The following TELO2 variants were observed in gnomAD, a reference collection of about 807,000 sequenced individuals.
TELO2 encodes telomere maintenance 2, also known as telomere length regulation protein TEL2 homolog.
TELO2 carries 71 observed loss-of-function variants against 91.0 expected under a neutral mutation model. The ratio of observed to expected loss-of-function variants is 0.78; its 90% CI spans 0.64 to 0.95. The LOEUF (loss-of-function observed/expected upper bound fraction) is 0.95, where lower values mean the gene tolerates loss of function less well. TELO2 is among the 40% of genes least tolerant of loss of function. TELO2 has a pLI of 0.00. For missense variants in TELO2, 1,183 were observed against 1,141.3 expected (o/e 1.04, Z -0.53); for synonymous variants, 584 against 518.9 (o/e 1.13, Z -1.71).
At chr16:1,496,309 G>A (rs955009540) in intron 3 of TELO2, among the ~76,000 whole-genome samples, 2 of 152,204 alleles carry the variant, frequency 1.3e-5, no homozygotes, top group African/African-American at 2.4e-5. Context: ...GGAGGAAGCC[G>A]GGCCCCTCGA....
Position 1,505,338 on chromosome 16 carries a change from T to A in TELO2, c.1843-72T>A. ...GCCCCCGGGCCCGTTTCTGGGGCTT[T>A]GGCTGACTTGACTCTTGGGAAATGT... is the stretch of plus-strand genomic sequence containing the variant. On this transcript the variant is annotated intron_variant, in intron 15 of 20. Transcript: ENST00000262319. This position sits in a 1 kb window ranked among gnomAD's most constrained non-coding sequence, Gnocchi z 4.3. 6.5e-7 allele frequency: 1 copy of A among 1,531,276 alleles called. No individual in the cohort carries two copies. The highest frequency in any genetic ancestry group is 8.8e-7 in the Non-Finnish European group (1 of 1,135,784). The allele number at this position is 1,531,276 out of a possible 1,614,324, so 94.9% of individuals were successfully genotyped here.
intron 6 of TELO2, among the ~76,000 whole-genome samples, 167 bp from the exon 7 acceptor site, chr16:1,499,929 C>T (rs1010396191): frequency 3.3e-5 from 5 of 152,218 alleles, no homozygotes; most frequent in Admixed American, 6.5e-5. Context: ...GCAGCTTCTG[C>T]GGGAGGGGAG....
At chr16:1,496,227 G>C (rs556693501) in intron 3 of TELO2, among the ~76,000 whole-genome samples, 1 of 152,258 alleles carries the variant, frequency 6.6e-6, no homozygotes, top group East Asian at 1.9e-4. Context: ...CCCCGACCTC[G>C]TTCTGAAACT....
rs757315085 is a variant in TELO2 at position 1,494,383 on chromosome 16, CCTGAAGCGGT to C, written c.103_112del (p.Leu35IlefsTer33). ...GCCACATCTTCTGCACCCTGGAGTC[CCTGAAGCGGT>C]ATCTCGGTGAGATGGAGCCTCCAGC... On this transcript the variant is annotated frameshift_variant, in exon 2 of 21. Transcript: ENST00000262319. LOFTEE classifies it high-confidence loss of function. This position sits in a 1 kb window ranked among gnomAD's most constrained non-coding sequence, Gnocchi z 5.6. The C allele has an allele frequency of 1.9e-6, 3 of 1,613,446 alleles. No individual in the cohort carries two copies. The African/African-American group carries it at 4.0e-5, about 22-fold the overall frequency.
Position 1,497,622 on chromosome 16 carries a change from T to C in TELO2, c.830+114T>C, listed in dbSNP as rs1179018276. The C allele has an allele frequency of 2.2e-6, 3 of 1,392,284 alleles. No individual in the cohort carries two copies. Among genetic ancestry groups the C allele is most frequent in the South Asian group, 1.5e-5 (1 of 68,118 alleles). The allele number at this position is 1,392,284 out of a possible 1,614,324, so 86.2% of individuals were successfully genotyped here. A position where few individuals can be genotyped will look rare whatever the true frequency, so the allele number is the denominator to read the frequency against. On this transcript the variant is annotated intron_variant, in intron 5 of 20. Transcript: ENST00000262319. The surrounding 1 kb of genome is among the most constrained non-coding windows in gnomAD (Gnocchi z 4.0). The stretch of plus-strand genomic sequence containing the variant: ...CGCCGTGCTGCAGCTGGCACCCCCA[T>C]GTAGGTGCCACAGGGTGTGGGTGGT...
At chr16:1,502,798 C>T (rs1283687788) in intron 14 of TELO2, 37 bp downstream of exon 14, 2 of 1,606,456 alleles carry the variant, frequency 1.2e-6, no homozygotes, top group Middle Eastern at 1.7e-4. Context: ...CCAGTGCAGG[C>T]ACAGCGGGAA....
chr16:1,495,604 G>C lies in TELO2; in HGVS notation c.594G>C (p.Ala198=), dbSNP rs773976708. 4.4e-6 allele frequency: 7 copies of C among 1,599,696 alleles called. No individual in the cohort carries two copies. The Admixed American group carries it at 5.0e-5, about 11-fold the overall frequency. The change falls in exon 3 of 21, where the codon GCG becomes GCC. Residue 198 remains alanine, a synonymous_variant. Coordinates refer to ENST00000262319, the MANE Select transcript of TELO2 (RefSeq NM_016111.4). ...LGEEVVRVLQ[A]VVDSLQGGLD... is the part of the protein sequence containing the mutation. ...AGGAGGTCGTCCGGGTGCTGCAGGCGGTTGTGGACTCTCTCCAAGGTGAGG... is the reference window on the plus strand; with the variant it reads ...AGGAGGTCGTCCGGGTGCTGCAGGCCGTTGTGGACTCTCTCCAAGGTGAGG...
In TELO2 at chr16:1,497,483, A is replaced by C. The variant is rs780212089; in HGVS notation, c.805A>C (p.Thr269Pro). ...GGACCGGGCCATGGAGGCTGTGCTGACCGGGCTGGTGGAGGCCGCACTGGG... is the reference window on the plus strand; with the variant it reads ...GGACCGGGCCATGGAGGCTGTGCTGCCCGGGCTGGTGGAGGCCGCACTGGG... ...VPDRAMEAVL[T>P]GLVEAALGPE... is the part of the protein sequence containing the mutation. Residue 269 changes from threonine to proline, a missense_variant, in exon 5 of 21, where the codon ACC (threonine) becomes CCC (proline). Transcript: ENST00000262319. The surrounding 1 kb of genome is among the most constrained non-coding windows in gnomAD (Gnocchi z 4.0). 1 of 1,573,388 alleles carries C rather than the reference A, an allele frequency of 6.4e-7. No individual in the cohort carries two copies. Among genetic ancestry groups the C allele is most frequent in the African/African-American group, 1.4e-5 (1 of 73,858 alleles).
intron 20 of TELO2, among the ~76,000 whole-genome samples, chr16:1,508,402 A>G (rs992936028): frequency 6.6e-6 from 1 of 152,180 alleles, no homozygotes; most frequent in Non-Finnish European, 1.5e-5. Context: ...AAGTGCTGGG[A>G]TTACAGGCGT....
rs770763577 is a variant in TELO2 at position 1,502,288 on chromosome 16, C to T, written c.1562-25C>T. 3.3e-5 allele frequency: 53 copies of T among 1,583,618 alleles called. No homozygotes were observed. In the South Asian group the frequency reaches 4.2e-4, roughly 13 times the overall value. On this transcript the variant is annotated intron_variant, in intron 12 of 20. Transcript: ENST00000262319. Reference sequence around the variant, plus strand: ...GTTCAGGGTCAGGGCTGAGGCTGACCGAGGCCTCTCTGGGTTCTGTGCAGC... The same window carrying T: ...GTTCAGGGTCAGGGCTGAGGCTGACTGAGGCCTCTCTGGGTTCTGTGCAGC...
chr16:1,508,950 C>T (rs79398615), intron 20 of TELO2, among the ~76,000 whole-genome samples: 1 of 152,106 alleles, frequency 6.6e-6, no homozygotes, highest in South Asian at 2.1e-4. Flanking sequence ...GGGGGTGAGG[C>T]CCCCCAGACA....
intron 17 of TELO2, 91 bp from the exon 18 acceptor site, chr16:1,506,861 G>T: frequency 6.8e-7 from 1 of 1,462,144 alleles, no homozygotes; most frequent in Non-Finnish European, 9.0e-7. Context: ...GGGGCTGTGT[G>T]GGGCTCCCTC....
chr16:1,502,098 C>G lies in TELO2; in HGVS notation c.1524C>G (p.Ser508Arg). 6.2e-7 allele frequency: 1 copy of G among 1,613,152 alleles called. No individual in the cohort carries two copies. Among genetic ancestry groups the G allele is most frequent in the South Asian group, 1.1e-5 (1 of 91,092 alleles). ...YDMSGDRELK[S>R]SKAPAYVRDC... ...TGTCGGGGGACAGAGAGCTGAAGAG[C>G]AGCAAGGCTCCTGCCTACGTCCGGG... The change falls in exon 12 of 21, where the codon AGC (serine) becomes AGG (arginine). Residue 508 changes from serine (S) to arginine (R), a missense_variant. By Grantham distance (110) the Ser-to-Arg change is moderately radical. Transcript: ENST00000262319.
Position 1,505,313 on chromosome 16 carries a change from GC to G in TELO2, c.1843-92del. On this transcript the variant is annotated intron_variant, in intron 15 of 20. Transcript: ENST00000262319. This position sits in a 1 kb window ranked among gnomAD's most constrained non-coding sequence, Gnocchi z 4.3. Reference sequence around the variant, plus strand: ...ACACACCTTCTCCCAGGCTGGGCGGGCCCCCGGGCCCGTTTCTGGGGCTTTG... The same window carrying G: ...ACACACCTTCTCCCAGGCTGGGCGGGCCCCGGGCCCGTTTCTGGGGCTTTG... 7 of 1,419,656 alleles carry G rather than the reference GC, an allele frequency of 4.9e-6. No homozygotes were observed. The highest frequency in any genetic ancestry group is 2.3e-5 in the Admixed American group (1 of 44,020). The allele number at this position is 1,419,656 out of a possible 1,614,324, so 87.9% of individuals were successfully genotyped here. A position where few individuals can be genotyped will look rare whatever the true frequency, so the allele number is the denominator to read the frequency against.
At position 1,499,351 on chromosome 16, in the gene TELO2, G is replaced by T; in HGVS notation, c.933+18G>T. The stretch of plus-strand genomic sequence containing the variant: ...GGCTCACGGTGAGGACGCCACGGAG[G>T]GTGCAGGCTGCTGGCTGCCCCATCA... On this transcript the variant is annotated intron_variant, in intron 6 of 20. Transcript: ENST00000262319. 6.2e-7 allele frequency: 1 copy of T among 1,612,808 alleles called. No individual in the cohort carries two copies. Among genetic ancestry groups the T allele is most frequent in the Non-Finnish European group, 8.5e-7 (1 of 1,179,166 alleles).
At position 1,494,500 on chromosome 16, in the gene TELO2, C is replaced by T. The variant is rs1159471179; in HGVS notation, c.219C>T (p.Ala73=). The change falls in exon 2 of 21, where the codon GCC becomes GCT. Residue 73 remains alanine, a synonymous_variant. Transcript: ENST00000262319. This position sits in a 1 kb window ranked among gnomAD's most constrained non-coding sequence, Gnocchi z 5.6. ...GTCTTGCCAGCAGGCTGAGCCCAGC[C>T]TGGCTGGAGCTGCTGCCCCATGGCC... ...LRCLASRLSP[A]WLELLPHGRL... The T allele has an allele frequency of 6.2e-7, 1 of 1,613,326 alleles. No homozygotes were observed. Among genetic ancestry groups the T allele is most frequent in the South Asian group, 1.1e-5 (1 of 91,080 alleles).
At chr16:1,502,797 G>A (rs2039745382) in intron 14 of TELO2, 36 bp downstream of exon 14, 1 of 1,606,244 alleles carries the variant, frequency 6.2e-7, no homozygotes, top group East Asian at 2.2e-5. Context: ...GCCAGTGCAG[G>A]CACAGCGGGA....
rs758349535 is a variant in TELO2 at position 1,495,474 on chromosome 16, C to T, written c.464C>T (p.Thr155Met). The T allele has an allele frequency of 5.6e-6, 9 of 1,610,278 alleles. No individual in the cohort carries two copies. Among genetic ancestry groups the T allele is most frequent in the South Asian group, 2.2e-5 (2 of 90,928 alleles). ...TQPGFILLRE[T>M]LLGKVVALPD... ...CCCGGCTTCATCCTGCTCCGGGAGA[C>T]GCTGCTGGGCAAGGTGGTGGCCCTG... Residue 155 changes from threonine to methionine, a missense_variant, in exon 3 of 21, where the codon ACG (threonine) becomes ATG (methionine). Coordinates refer to ENST00000262319, the MANE Select transcript of TELO2 (RefSeq NM_016111.4).
In TELO2 at chr16:1,510,075, GGCCCGGCCT is replaced by G; in HGVS notation, c.*143_*151del. On this transcript the variant is annotated 3_prime_UTR_variant, in exon 21 of 21. Transcript: ENST00000262319. ...GGTACGGAGAGTGCAGATGCAGGAA[GGCCCGGCCT>G]GCCGCTATTTATAGTGCAGCCAGTC... 1.4e-6 allele frequency: 1 copy of G among 692,800 alleles called. No individual in the cohort carries two copies. Among genetic ancestry groups the G allele is most frequent in the Non-Finnish European group, 2.4e-6 (1 of 416,672 alleles). The allele number at this position is 692,800 out of a possible 1,614,324, so 42.9% of individuals were successfully genotyped here. A position where few individuals can be genotyped will look rare whatever the true frequency, so the allele number is the denominator to read the frequency against.
Sources: gnomAD v4.1 joint callset for allele counts (sites outside exome capture counted in the v4.1 genomes callset) on GRCh38, gnomAD v4.1.1 for gene constraint, Gnocchi (gnomAD v3.1) non-coding constraint, MANE v1.5 for transcripts, NCBI Gene and HGNC (gene_info 2026-07-23, HGNC 2026-07-21) for gene names.